The following UNC13C variants were observed in gnomAD, a reference collection of about 807,000 sequenced individuals.
UNC13C encodes the protein unc-13 homolog C.
A neutral mutation model predicts 245.4 loss-of-function variants in UNC13C; 174 were observed. The ratio of observed to expected loss-of-function variants is 0.71; its 90% CI spans 0.63 to 0.80. The LOEUF (loss-of-function observed/expected upper bound fraction) is 0.80. Among genes scored for constraint, UNC13C ranks in the 30% least tolerant of loss-of-function variants. The pLI, the probability that UNC13C is intolerant of heterozygous loss-of-function variation, is 0.00. For missense variants in UNC13C, 2,829 were observed against 2,602.9 expected (o/e 1.09, Z -1.89); for synonymous variants, 992 against 895.1 (o/e 1.11, Z -1.93).
chr15:54,327,236 T>G (rs2038320720), intron 14 of UNC13C, among the ~76,000 whole-genome samples: 1 of 152,100 alleles, frequency 6.6e-6, no homozygotes, highest in South Asian at 2.1e-4. Flanking sequence ...GCTGTTTATT[T>G]ACTTGAGTAT....
At chr15:54,161,742 G>A (rs2032983919) in intron 4 of UNC13C, among the ~76,000 whole-genome samples, 1 of 152,052 alleles carries the variant, frequency 6.6e-6, no homozygotes, top group South Asian at 2.1e-4. Context: ...CCTGAGGTCA[G>A]GAGTTCCAGA....
At chr15:54,008,193 AT>A (rs1418423017) in intron 1 of UNC13C, among the ~76,000 whole-genome samples, 2 of 152,214 alleles carry the variant, frequency 1.3e-5, no homozygotes, top group Non-Finnish European at 2.9e-5. Flanking sequence ...TGCAAAACAT[AT>A]TTCCCATTAA....
chr15:54,339,371 A>C (rs1477550338), intron 17 of UNC13C, among the ~76,000 whole-genome samples: 2 of 152,082 alleles, frequency 1.3e-5, no homozygotes, highest in Non-Finnish European at 2.9e-5. Context: ...CCATCACCCA[A>C]GCAGTGTACA....
chr15:54,003,329 C>T (rs909940297), intron 1 of UNC13C, among the ~76,000 whole-genome samples: 21 of 152,104 alleles, frequency 1.4e-4, no homozygotes, highest in African/African-American at 5.1e-4. Flanking sequence ...CTGTATTCTG[C>T]TCTCTGTGCA....
At chr15:54,512,449 T>C (rs1293781351) in intron 24 of UNC13C, 16 of 441,628 alleles carry the variant, frequency 3.6e-5, no homozygotes, top group Admixed American at 2.7e-4. Flanking sequence ...CTAAAGACCA[T>C]TGCATTTTCT....
At chr15:54,117,493 G>A (rs2141186973) in intron 2 of UNC13C, among the ~76,000 whole-genome samples, 1 of 146,538 alleles carries the variant, frequency 6.8e-6, no homozygotes, top group East Asian at 2.0e-4. Context: ...TTCTGCATAT[G>A]GTAATAGAGT....
chr15:54,108,003 A>G lies in UNC13C; in HGVS notation c.2984-35015A>G, dbSNP rs150810680. ...ACGGTTTCTGTGACTTTGAGGCCACAGTTTGTAAAAGAGAAAAAAACATAC... is the reference window on the plus strand; with the variant it reads ...ACGGTTTCTGTGACTTTGAGGCCACGGTTTGTAAAAGAGAAAAAAACATAC... On this transcript the variant is annotated intron_variant, in intron 2 of 32. Coordinates refer to ENST00000260323, the MANE Select transcript of UNC13C (RefSeq NM_001080534.3). Among the ~76,000 whole-genome samples the G allele has an allele frequency of 4.8e-3, 731 of 152,312 alleles. 9 individuals are homozygous for G. Among genetic ancestry groups the G allele is most frequent in the African/African-American group, 0.017 (699 of 41,564 alleles).
intron 2 of UNC13C, among the ~76,000 whole-genome samples, chr15:54,026,533 G>A (rs1471371685): frequency 6.6e-6 from 1 of 152,158 alleles, no homozygotes; most frequent in Non-Finnish European, 1.5e-5. Flanking sequence ...AAATCATCTG[G>A]AGTCATTTAT....
At chr15:54,260,427 G>A (rs62011964) in intron 8 of UNC13C, among the ~76,000 whole-genome samples, 1 of 151,888 alleles carries the variant, frequency 6.6e-6, no homozygotes, top group Admixed American at 6.6e-5. Context: ...TGACTTTAGA[G>A]TAGAAATGTT....
Position 54,452,670 on chromosome 15 carries a change from A to T in UNC13C, c.4933+37603A>T, listed in dbSNP as rs147785869. On this transcript the variant is annotated intron_variant, in intron 19 of 32. Coordinates refer to ENST00000260323, the MANE Select transcript of UNC13C (RefSeq NM_001080534.3). The stretch of plus-strand genomic sequence containing the variant: ...AGGTTGGCTGTGGTCAGACGGAGTG[A>T]TCCTCAGACCCCAGCAGCATGCTTT... 4.2e-3 allele frequency among the ~76,000 whole-genome samples: 637 copies of T among 152,108 alleles called. 6 individuals are homozygous for T. Among genetic ancestry groups the T allele is most frequent in the Non-Finnish European group, 6.1e-3 (415 of 67,968 alleles).
intron 19 of UNC13C, among the ~76,000 whole-genome samples, chr15:54,446,267 G>A (rs1200267853): frequency 6.6e-6 from 1 of 152,136 alleles, no homozygotes; most frequent in Non-Finnish European, 1.5e-5. Flanking sequence ...AATTGACTTG[G>A]CAATGCAGTC....
chr15:54,326,852 C>G (rs554495449), intron 14 of UNC13C, among the ~76,000 whole-genome samples: 1 of 152,000 alleles, frequency 6.6e-6, no homozygotes, highest in Non-Finnish European at 1.5e-5. Flanking sequence ...GAGAACTGAT[C>G]AGTAAATTTT....
chr15:54,580,156 A>T (rs1446194011), intron 30 of UNC13C, among the ~76,000 whole-genome samples: 1 of 152,202 alleles, frequency 6.6e-6, no homozygotes, highest in Non-Finnish European at 1.5e-5. Context: ...TTCACTGAGA[A>T]CAGGTTTGGT....
At chr15:54,130,672 A>G (rs1458631558) in intron 2 of UNC13C, among the ~76,000 whole-genome samples, 2 of 152,186 alleles carry the variant, frequency 1.3e-5, no homozygotes, top group South Asian at 2.1e-4. Context: ...CTACATCTGT[A>G]TTTGGTATAG....
chr15:53,902,810 T>C, the UNC13C span, among the ~76,000 whole-genome samples: 1 of 152,108 alleles, frequency 6.6e-6, no homozygotes, highest in Non-Finnish European at 1.5e-5. Flanking sequence ...TGGATTCTGA[T>C]ATCAACAATA....
At chr15:54,090,887 A>G (rs1899531217) in intron 2 of UNC13C, among the ~76,000 whole-genome samples, 1 of 152,092 alleles carries the variant, frequency 6.6e-6, no homozygotes, top group Admixed American at 6.5e-5. Flanking sequence ...GTGTGGTGTA[A>G]CTGGCACATG....
At chr15:54,485,471 C>G (rs1893356522) in intron 19 of UNC13C, among the ~76,000 whole-genome samples, 1 of 152,190 alleles carries the variant, frequency 6.6e-6, no homozygotes, top group Non-Finnish European at 1.5e-5. Flanking sequence ...TGCTACCACC[C>G]AAGTGTCCAA....
chr15:54,110,619 C>T (rs1028723631), intron 2 of UNC13C, among the ~76,000 whole-genome samples: 4 of 152,196 alleles, frequency 2.6e-5, no homozygotes, highest in South Asian at 2.1e-4. Flanking sequence ...GTTATTTGAA[C>T]ATTATAGCTC....
the UNC13C span, among the ~76,000 whole-genome samples, chr15:53,940,867 T>A: frequency 6.6e-6 from 1 of 152,188 alleles, no homozygotes. Context: ...ATAATCAATG[T>A]CATGAAAATG....
Sources: gnomAD v4.1 joint callset for allele counts (sites outside exome capture counted in the v4.1 genomes callset) on GRCh38, gnomAD v4.1.1 for gene constraint, MANE v1.5 for transcripts, NCBI Gene and HGNC (gene_info 2026-07-23, HGNC 2026-07-21) for gene names.